Variants in TAB2 observed in about 807,000 individuals in gnomAD.
TAB2 encodes TGF-beta-activated kinase 1 and MAP3K7-binding protein 2.
Under a neutral mutation model 65.0 loss-of-function variants are expected in TAB2, and 3 were observed. The observed-to-expected ratio is 0.05, with a 90% confidence interval of 0.02 to 0.12. The LOEUF (loss-of-function observed/expected upper bound fraction) is 0.12. TAB2 is among the 10% of genes least tolerant of loss of function. The pLI, the probability that TAB2 is intolerant of heterozygous loss-of-function variation, is 1.00. For missense variants in TAB2, 623 were observed against 840.3 expected (o/e 0.74, Z 3.20); for synonymous variants, 298 against 285.1 (o/e 1.05, Z -0.46).
intron 1 of TAB2, among the ~76,000 whole-genome samples, chr6:149,288,318 T>A (rs1013228239): frequency 6.6e-6 from 1 of 152,072 alleles, no homozygotes; most frequent in Non-Finnish European, 1.5e-5. Flanking sequence ...GAGAACAGAG[T>A]TACAAGTGCA....
chr6:149,363,252 A>G (rs576422675), intron 1 of TAB2, among the ~76,000 whole-genome samples: 2 of 152,166 alleles, frequency 1.3e-5, no homozygotes, highest in South Asian at 4.1e-4. Flanking sequence ...TCTAAAGCTA[A>G]ATCTTTATTT....
At chr6:149,389,462 A>G (rs1025948856) in intron 3 of TAB2, among the ~76,000 whole-genome samples, 2 of 151,894 alleles carry the variant, frequency 1.3e-5, no homozygotes, top group Admixed American at 1.3e-4. Flanking sequence ...CCTGACCAAC[A>G]TGGAGAAACC....
chr6:149,297,209 A>G (rs1239113564), intron 1 of TAB2, among the ~76,000 whole-genome samples: 3 of 152,248 alleles, frequency 2.0e-5, no homozygotes, highest in Non-Finnish European at 2.9e-5. Flanking sequence ...TTCTAAAAAC[A>G]AGGCCGTTCT....
rs763663979 is a variant in TAB2 at position 149,379,450 on chromosome 6, C to G, written c.1535C>G (p.Ala512Gly). The G allele has an allele frequency of 4.8e-5, 77 of 1,613,902 alleles. 1 individual carries two copies. The highest frequency in any genetic ancestry group is 1.3e-4 in the South Asian group (12 of 91,074). The part of the protein sequence containing the change: ...NIQHLTDPTL[A>G]HVDRISETRK... ...CAGCACCTCACGGACCCTACATTAG[C>G]ACATGTGGATAGAATAAGTGAAACA... Residue 512 changes from alanine to glycine, a missense_variant, in exon 3 of 7, where the codon GCA (alanine) becomes GGA (glycine). Coordinates refer to ENST00000637181, the MANE Select transcript of TAB2 (RefSeq NM_001292034.3).
At chr6:149,261,470 C>G (rs528119261) in intron 1 of TAB2, among the ~76,000 whole-genome samples, 1 of 152,138 alleles carries the variant, frequency 6.6e-6, no homozygotes, top group Non-Finnish European at 1.5e-5. Context: ...GCGTACTTCA[C>G]TTTATACCAA....
chr6:149,299,939 T>G (rs1295142478), intron 1 of TAB2, among the ~76,000 whole-genome samples: 1 of 152,068 alleles, frequency 6.6e-6, no homozygotes, highest in Non-Finnish European at 1.5e-5. Context: ...GCCCAGGAAT[T>G]TGAGGTTACA....
intron 1 of TAB2, among the ~76,000 whole-genome samples, chr6:149,220,606 G>A (rs1344201620): frequency 1.3e-5 from 2 of 152,168 alleles, no homozygotes. Flanking sequence ...GAAAATTCAA[G>A]TTGGGTTTTT....
rs1202121964 is a variant in TAB2, at chr6:149,378,301, C to G, written c.386C>G (p.Ala129Gly). The G allele has an allele frequency of 1.9e-6, 3 of 1,614,102 alleles. No homozygotes were observed. The highest frequency in any genetic ancestry group is 2.7e-5 in the African/African-American group (2 of 74,934). ...CTATTTCAGCAGGAGCCACAGACAG[C>G]ACCAGCTCAAGTTCCTCAAGGCTTT... ...SELFQQEPQT[A>G]PAQVPQGFNV... Residue 129 changes from alanine to glycine, a missense_variant, in exon 3 of 7, where the codon GCA becomes GGA. Ala to Gly is a moderately conservative substitution (Grantham distance 60). Coordinates refer to ENST00000637181, the MANE Select transcript of TAB2 (RefSeq NM_001292034.3).
At chr6:149,289,111 A>T (rs9498291) in intron 1 of TAB2, among the ~76,000 whole-genome samples, 2 of 151,854 alleles carry the variant, frequency 1.3e-5, no homozygotes, top group African/African-American at 2.4e-5. Flanking sequence ...CACCCGCCTC[A>T]GCCTCCCAAA....
At chr6:149,257,991 G>A (rs1489220529) in intron 1 of TAB2, among the ~76,000 whole-genome samples, 1 of 152,196 alleles carries the variant, frequency 6.6e-6, no homozygotes, top group East Asian at 1.9e-4. Context: ...GAGAGAAAGT[G>A]TAGCTCCCCA....
At chr6:149,381,567 TTC>T (rs1416116892) in intron 3 of TAB2, among the ~76,000 whole-genome samples, 1 of 137,086 alleles carries the variant, frequency 7.3e-6, no homozygotes, top group African/African-American at 2.8e-5. Flanking sequence ...TCCCCTCCTA[TTC>T]TTTTTTTTTT....
chr6:149,325,752 T>C (rs139925605), intron 1 of TAB2, among the ~76,000 whole-genome samples: 1 of 152,344 alleles, frequency 6.6e-6, no homozygotes, highest in East Asian at 1.9e-4. Flanking sequence ...GTTATGTTTA[T>C]GTTTTAAGAC....
intron 1 of TAB2, among the ~76,000 whole-genome samples, chr6:149,228,556 A>G (rs541756190): frequency 6.6e-6 from 1 of 152,180 alleles, no homozygotes; most frequent in Non-Finnish European, 1.5e-5. Context: ...CCTACATTTT[A>G]AACCAGCTGG....
intron 1 of TAB2, chr6:149,304,033 A>G (rs563373): frequency 0.41 from 62,923 of 152,176 alleles, 14,986 homozygotes; most frequent in African/African-American, 0.67. Flanking sequence ...TTCTAATTTC[A>G]AATTTTGTTT....
intron 1 of TAB2, among the ~76,000 whole-genome samples, chr6:149,307,184 C>G (rs975761204): frequency 2.0e-5 from 3 of 152,032 alleles, no homozygotes; most frequent in African/African-American, 7.3e-5. Context: ...CCCCGAGTCT[C>G]ACAAAAGACT....
At chr6:149,220,987 G>A (rs1289737684) in intron 1 of TAB2, 1 of 152,132 alleles carries the variant, frequency 6.6e-6, no homozygotes, top group Non-Finnish European at 1.5e-5. Context: ...AACAAATAAT[G>A]TCAGTTATTT....
intron 2 of TAB2, among the ~76,000 whole-genome samples, chr6:149,371,065 CAAAA>C (rs33926884): frequency 2.6e-4 from 19 of 71,976 alleles, no homozygotes; most frequent in African/African-American, 1.0e-3. Context: ...GACCCTATCT[CAAAA>C]AAAAAAAAAA....
chr6:149,367,725 T>A (rs1180188661), intron 1 of TAB2, among the ~76,000 whole-genome samples: 2 of 151,876 alleles, frequency 1.3e-5, no homozygotes, highest in Non-Finnish European at 2.9e-5. Context: ...GTGGGAAAAA[T>A]TGGTTAGATT....
At chr6:149,348,715 G>A (rs9498328) in intron 1 of TAB2, among the ~76,000 whole-genome samples, 35,813 of 151,592 alleles carry the variant, frequency 0.24, 4,412 homozygotes, top group Non-Finnish European at 0.26. Context: ...TGTAATACCA[G>A]CACTTTGGAA....
Sources: gnomAD v4.1 joint callset for allele counts (sites outside exome capture counted in the v4.1 genomes callset) on GRCh38, gnomAD v4.1.1 for gene constraint, MANE v1.5 for transcripts, NCBI Gene and HGNC (gene_info 2026-07-23, HGNC 2026-07-21) for gene names.